The following GALNT13 variants were observed in gnomAD, a reference collection of about 807,000 sequenced individuals.
The protein encoded by GALNT13 is UDP-GalNAc:polypeptide N-acetylgalactosaminyltransferase 13.
A neutral mutation model predicts 64.2 loss-of-function variants in GALNT13; 28 were observed. The ratio of observed to expected loss-of-function variants is 0.44; its 90% CI spans 0.32 to 0.60. The LOEUF is 0.60. Among genes scored for constraint, GALNT13 ranks in the 20% least tolerant of loss-of-function variants. GALNT13 has a pLI of 0.05. For missense variants in GALNT13, 577 were observed against 669.8 expected (o/e 0.86, Z 1.53); for synonymous variants, 214 against 224.6 (o/e 0.95, Z 0.42).
At chr2:153,604,546 C>A in the GALNT13 span, among the ~76,000 whole-genome samples, 2 of 151,936 alleles carry the variant, frequency 1.3e-5, no homozygotes, top group African/African-American at 4.8e-5. Context: ...GAGCAATATC[C>A]TATTTAAATT....
chr2:153,884,854 T>C (rs1687051033), intron 1 of GALNT13, among the ~76,000 whole-genome samples: 1 of 80,292 alleles, frequency 1.2e-5, no homozygotes, highest in Non-Finnish European at 2.7e-5. Context: ...TATATATGTA[T>C]ATACACACAC....
chr2:153,208,973 CTTTTTT>C, the GALNT13 span, among the ~76,000 whole-genome samples: 18 of 74,684 alleles, frequency 2.4e-4, no homozygotes, highest in African/African-American at 9.8e-4. Flanking sequence ...TGGTTTTGGT[CTTTTTT>C]TTTTTTTTTT....
chr2:153,735,156 T>G, the GALNT13 span, among the ~76,000 whole-genome samples: 1 of 152,204 alleles, frequency 6.6e-6, no homozygotes, highest in African/African-American at 2.4e-5. Flanking sequence ...GAGAGTTTAA[T>G]TAATATACAT....
At chr2:153,608,573 G>A in the GALNT13 span, among the ~76,000 whole-genome samples, 1 of 150,616 alleles carries the variant, frequency 6.6e-6, no homozygotes, top group Non-Finnish European at 1.5e-5. Flanking sequence ...AAAAGGATTT[G>A]GAGATGATTA....
the GALNT13 span, chr2:153,478,539 C>T: frequency 6.2e-7 from 1 of 1,602,804 alleles, no homozygotes; most frequent in Non-Finnish European, 8.5e-7. Flanking sequence ...CCGCCACGTC[C>T]GTCTGGTTGC....
intron 11 of GALNT13, among the ~76,000 whole-genome samples, chr2:154,438,053 T>G (rs947982500): frequency 2.0e-5 from 3 of 152,138 alleles, no homozygotes; most frequent in South Asian, 2.1e-4. Flanking sequence ...ATTAGAGAGA[T>G]AAGTGTAGAG....
chr2:153,574,040 A>AT, the GALNT13 span, among the ~76,000 whole-genome samples: 1 of 151,620 alleles, frequency 6.6e-6, no homozygotes, highest in Non-Finnish European at 1.5e-5. Flanking sequence ...TGTTGATAAA[A>AT]TCTCTCAGCT....
At chr2:153,683,792 C>A in the GALNT13 span, among the ~76,000 whole-genome samples, 2 of 151,716 alleles carry the variant, frequency 1.3e-5, no homozygotes, top group East Asian at 3.9e-4. Flanking sequence ...CATTTCTAAT[C>A]TTTTGGGAGT....
chr2:154,303,550 G>A (rs950224772), intron 9 of GALNT13, among the ~76,000 whole-genome samples: 1 of 151,894 alleles, frequency 6.6e-6, no homozygotes, highest in Non-Finnish European at 1.5e-5. Flanking sequence ...ATGATTTTAG[G>A]GCTGCTTTTC....
chr2:153,880,398 G>A (rs1686701960), intron 1 of GALNT13, among the ~76,000 whole-genome samples: 1 of 151,984 alleles, frequency 6.6e-6, no homozygotes, highest in Non-Finnish European at 1.5e-5. Flanking sequence ...ATTTTAGACC[G>A]ATGTTTGATT....
At chr2:154,105,736 G>A (rs187601260) in intron 3 of GALNT13, among the ~76,000 whole-genome samples, 92 of 152,260 alleles carry the variant, frequency 6.0e-4, no homozygotes, top group African/African-American at 8.7e-4. Context: ...AATATTTTGC[G>A]TTGATAGAAA....
chr2:153,993,273 T>C (rs1695285716), intron 3 of GALNT13, among the ~76,000 whole-genome samples: 1 of 152,148 alleles, frequency 6.6e-6, no homozygotes, highest in African/African-American at 2.4e-5. Flanking sequence ...TCATTCTGAA[T>C]AGATGTGTAC....
chr2:153,776,288 G>C, the GALNT13 span, among the ~76,000 whole-genome samples: 1 of 152,182 alleles, frequency 6.6e-6, no homozygotes, highest in Admixed American at 6.5e-5. Flanking sequence ...ACAAAAGAGG[G>C]AGAGTTGTTT....
the GALNT13 span, among the ~76,000 whole-genome samples, chr2:153,663,865 G>C: frequency 6.6e-6 from 1 of 152,086 alleles, no homozygotes; most frequent in Non-Finnish European, 1.5e-5. Flanking sequence ...ATTAAATTAG[G>C]TGTGATGTTT....
At chr2:153,705,113 G>A in the GALNT13 span, among the ~76,000 whole-genome samples, 4 of 152,144 alleles carry the variant, frequency 2.6e-5, no homozygotes, top group Non-Finnish European at 5.9e-5. Context: ...AACAGCAGTC[G>A]TTGATTTGGT....
At chr2:153,392,538 A>G in the GALNT13 span, among the ~76,000 whole-genome samples, 1 of 152,184 alleles carries the variant, frequency 6.6e-6, no homozygotes, top group South Asian at 2.1e-4. Context: ...GTTAGGATAG[A>G]TCTACGAAGG....
chr2:153,812,050 C>G, the GALNT13 span, among the ~76,000 whole-genome samples: 36,967 of 152,100 alleles, frequency 0.24, 4,800 homozygotes, highest in Non-Finnish European at 0.28. Flanking sequence ...CCAGCATGCT[C>G]TAAGGTTGTT....
chr2:154,023,650 T>C (rs927581521), intron 3 of GALNT13, among the ~76,000 whole-genome samples: 2 of 152,200 alleles, frequency 1.3e-5, no homozygotes, highest in Non-Finnish European at 2.9e-5. Context: ...CTTTATCCAG[T>C]TTGCCAGTCT....
the GALNT13 span, among the ~76,000 whole-genome samples, chr2:153,435,260 G>A: frequency 2.8e-4 from 42 of 152,258 alleles, no homozygotes; most frequent in South Asian, 4.1e-4. Flanking sequence ...GTCAGGTAGC[G>A]TGATGCCTCC....
Sources: allele counts gnomAD v4.1 joint callset (sites outside exome capture counted in the v4.1 genomes callset), GRCh38; gene constraint gnomAD v4.1.1; transcripts MANE v1.5; gene names NCBI Gene and HGNC (gene_info 2026-07-23, HGNC 2026-07-21).